Variants in ECT2 observed in about 807,000 individuals in gnomAD.
ECT2 encodes epithelial cell transforming 2.
ECT2 carries 61 observed loss-of-function variants against 116.9 expected under a neutral mutation model. That is an observed-to-expected ratio of 0.52 (90% CI 0.42 to 0.65). ECT2 has a LOEUF of 0.65. Ranked by LOEUF, ECT2 falls within the 30% of genes least tolerant of loss-of-function variation. The pLI is 0.00. For missense variants in ECT2, 937 were observed against 1,078.7 expected (o/e 0.87, Z 1.84); for synonymous variants, 358 against 346.4 (o/e 1.03, Z -0.37).
At chr3:172,751,954 G>C (rs1194185638) in intron 1 of ECT2, among the ~76,000 whole-genome samples, 1 of 152,078 alleles carries the variant, frequency 6.6e-6, no homozygotes, top group Non-Finnish European at 1.5e-5. Context: ...TTTTGAAGCT[G>C]TTTTGGCAAT....
At chr3:172,801,062 A>G (rs983494704) in intron 18 of ECT2, among the ~76,000 whole-genome samples, 7 of 152,292 alleles carry the variant, frequency 4.6e-5, no homozygotes, top group Non-Finnish European at 7.4e-5. Flanking sequence ...TTTAGAATTT[A>G]TGACGTGAAT....
At chr3:172,825,335 A>G (rs1037787604), downstream of ECT2, among the ~76,000 whole-genome samples, 17 of 151,996 alleles carry the variant, frequency 1.1e-4, no homozygotes, top group African/African-American at 3.9e-4. Flanking sequence ...AAATTAGACT[A>G]ATTAATAATT....
the ECT2 span, chr3:172,828,823 G>A: frequency 1.2e-6 from 1 of 803,972 alleles, no homozygotes; most frequent in Admixed American, 1.9e-5. Flanking sequence ...CATAGGAGAA[G>A]AGCTACTGCC....
At chr3:172,781,198 A>C (rs1482946348) in intron 14 of ECT2, among the ~76,000 whole-genome samples, 1 of 152,188 alleles carries the variant, frequency 6.6e-6, no homozygotes, top group African/African-American at 2.4e-5. Flanking sequence ...AAGAAAAATA[A>C]TTTCCCAAAC....
intron 18 of ECT2, among the ~76,000 whole-genome samples, chr3:172,791,133 G>A (rs1254598768): frequency 6.6e-6 from 1 of 152,208 alleles, no homozygotes; most frequent in African/African-American, 2.4e-5. Flanking sequence ...CAGCCTGGAT[G>A]ACAGAACAAG....
intron 21 of ECT2, 59 bp from the exon 22 acceptor site, chr3:172,807,711 T>C: frequency 6.5e-7 from 1 of 1,540,260 alleles, no homozygotes; most frequent in Non-Finnish European, 8.8e-7. Context: ...TAAACTTGCA[T>C]ACATCTGTCA....
At chr3:172,817,851 C>A (rs1258442434) in intron 24 of ECT2, among the ~76,000 whole-genome samples, 1 of 151,924 alleles carries the variant, frequency 6.6e-6, no homozygotes, top group Non-Finnish European at 1.5e-5. Context: ...TACTGAGGGG[C>A]AATTTGGGTG....
In ECT2 at chr3:172,786,529, A is replaced by G. The variant is rs2108745017; in HGVS notation, c.1862A>G (p.Lys621Arg). The G allele has an allele frequency of 1.2e-6, 2 of 1,611,434 alleles. No homozygotes were observed. Among genetic ancestry groups the G allele is most frequent in the East Asian group, 2.2e-5 (1 of 44,698 alleles). Residue 621 changes from lysine (K) to arginine (R), a missense_variant, in exon 18 of 25, where the codon AAA (lysine) becomes AGA (arginine). Coordinates refer to ENST00000392692, the MANE Select transcript of ECT2 (RefSeq NM_001258315.2). ...KKHTADENPD[K>R]STLEKAIGSL... is the part of the protein sequence containing the mutation. Reference sequence around the variant, plus strand: ...CATACAGCTGATGAAAATCCAGACAAAAGCACTTTAGAAAAAGCTATTGGA... The same window carrying G: ...CATACAGCTGATGAAAATCCAGACAGAAGCACTTTAGAAAAAGCTATTGGA...
chr3:172,822,490 G>A (rs146221173), downstream of ECT2, among the ~76,000 whole-genome samples: 415 of 152,012 alleles, frequency 2.7e-3, 5 homozygotes, highest in East Asian at 9.8e-3. Flanking sequence ...TAGTTGAAGG[G>A]ATTTGAGGCT....
chr3:172,813,787 G>A (rs1162493186), intron 22 of ECT2, among the ~76,000 whole-genome samples: 1 of 151,938 alleles, frequency 6.6e-6, no homozygotes, highest in East Asian at 1.9e-4. Flanking sequence ...TAAATTAATT[G>A]TGGTATAATC....
At chr3:172,773,867 C>T (rs1721144060) in intron 13 of ECT2, 36 bp from the exon 14 acceptor site, 4 of 1,594,220 alleles carry the variant, frequency 2.5e-6, no homozygotes, top group Non-Finnish European at 3.4e-6. Flanking sequence ...TTCTTTTTCC[C>T]ACAATCTACT....
At chr3:172,824,214 A>T (rs2109464527), downstream of ECT2, among the ~76,000 whole-genome samples, 1 of 152,306 alleles carries the variant, frequency 6.6e-6, no homozygotes, top group African/African-American at 2.4e-5. Context: ...TGCTATAAAT[A>T]CCTGAGACTG....
chr3:172,776,205 T>C (rs866762642), intron 14 of ECT2, among the ~76,000 whole-genome samples: 51,074 of 119,482 alleles, frequency 0.43, 8,438 homozygotes, highest in East Asian at 0.57. Context: ...TTTCTTTTTT[T>C]TTTTTTTTTT....
chr3:172,810,737 C>T (rs1402307489), intron 22 of ECT2, among the ~76,000 whole-genome samples: 4 of 152,088 alleles, frequency 2.6e-5, no homozygotes, highest in Non-Finnish European at 5.9e-5. Flanking sequence ...CACGAGTAAA[C>T]AGGTTAATTG....
intron 14 of ECT2, among the ~76,000 whole-genome samples, chr3:172,775,597 A>G (rs1721502779): frequency 6.6e-6 from 1 of 152,028 alleles, no homozygotes; most frequent in Non-Finnish European, 1.5e-5. Flanking sequence ...GGGTGGCACA[A>G]AAGCAGAATG....
chr3:172,789,442 G>A (rs1027511296), intron 18 of ECT2, among the ~76,000 whole-genome samples: 3 of 152,040 alleles, frequency 2.0e-5, no homozygotes, highest in Non-Finnish European at 2.9e-5. Context: ...GAACTCAAGC[G>A]ATCTGCTCAC....
At chr3:172,802,734 C>A in intron 19 of ECT2, 40 bp downstream of exon 19, 1 of 1,524,752 alleles carries the variant, frequency 6.6e-7, no homozygotes, top group South Asian at 1.2e-5. Flanking sequence ...TTATTTTCTT[C>A]TTGTTAATGA....
intron 14 of ECT2, among the ~76,000 whole-genome samples, chr3:172,777,020 C>A (rs868462215): frequency 6.6e-6 from 1 of 151,958 alleles, no homozygotes; most frequent in African/African-American, 2.4e-5. Flanking sequence ...GACAGGTGTG[C>A]GCCACCACAC....
At chr3:172,808,766 A>G (rs188460772) in intron 22 of ECT2, among the ~76,000 whole-genome samples, 35 of 152,296 alleles carry the variant, frequency 2.3e-4, no homozygotes, top group African/African-American at 8.2e-4. Context: ...TTTCTGTGGG[A>G]ATGAAACATG....
Sources: allele counts gnomAD v4.1 joint callset (sites outside exome capture counted in the v4.1 genomes callset), GRCh38; gene constraint gnomAD v4.1.1; transcripts MANE v1.5; gene names NCBI Gene and HGNC (gene_info 2026-07-23, HGNC 2026-07-21).